FXR1: variants seen among roughly 807,000 people sequenced by gnomAD.
FXR1 encodes the protein FMR1 autosomal homolog 1, also known as RNA-binding protein FXR1.
Under a neutral mutation model 84.0 loss-of-function variants are expected in FXR1, and 15 were observed. The observed-to-expected ratio is 0.18, with a 90% CI of 0.12 to 0.27. The LOEUF (loss-of-function observed/expected upper bound fraction) is 0.27. Ranked by LOEUF, FXR1 falls within the 10% of genes least tolerant of loss-of-function variation. The pLI, the probability that FXR1 is intolerant of heterozygous loss-of-function variation, is 1.00. For synonymous variants in FXR1, 245 were observed against 250.7 expected, an observed-to-expected ratio of 0.98 and a Z score of 0.21; for missense variants, 480 against 774.4, an observed-to-expected ratio of 0.62 and a Z score of 4.51.
In FXR1 at chr3:180,980,285, C is replaced by T. The variant is rs1714548268; in HGVS notation, c.*3993C>T. The T allele has an allele frequency of 6.6e-6, 1 of 152,046 alleles. No homozygotes were observed. The highest frequency in any genetic ancestry group is 2.4e-5 in the African/African-American group (1 of 41,418). The allele number at this position is 152,046 out of a possible 1,614,324, so 9.4% of individuals were successfully genotyped here. ...AATGCAATCTATAAGATATTCCAAA[C>T]AAGGACAAAGTAATTTTTCACAAGT... On this transcript the variant is annotated 3_prime_UTR_variant, in exon 17 of 17. Coordinates refer to ENST00000357559, the MANE Select transcript of FXR1 (RefSeq NM_005087.4).
chr3:180,963,429 C>T (rs1260707176), intron 13 of FXR1, among the ~76,000 whole-genome samples: 1 of 152,028 alleles, frequency 6.6e-6, no homozygotes, highest in Non-Finnish European at 1.5e-5. Flanking sequence ...CCAGTAAATA[C>T]CTAGTAATGG....
chr3:180,957,620 T>C (rs746323069), intron 9 of FXR1, 199 bp from the exon 10 acceptor site: 21 of 468,148 alleles, frequency 4.5e-5, no homozygotes, highest in Non-Finnish European at 7.0e-5. Flanking sequence ...ACCTTAGGCG[T>C]GCTGAAAGAG....
At chr3:180,932,088 A>AAAAAAAAAAC (rs1439899331) in intron 1 of FXR1, among the ~76,000 whole-genome samples, 1 of 150,218 alleles carries the variant, frequency 6.7e-6, no homozygotes, top group South Asian at 2.1e-4. Context: ...AAAAAAAAAA[A>AAAAAAAAAAC]AACAACTTTT....
At chr3:180,937,034 T>C (rs2108448627) in intron 3 of FXR1, among the ~76,000 whole-genome samples, 1 of 152,280 alleles carries the variant, frequency 6.6e-6, no homozygotes, top group East Asian at 1.9e-4. Context: ...GCAGTGATGC[T>C]GCAGATTACT....
At chr3:180,975,232 A>T (rs1714081967) in intron 15 of FXR1, 81 bp from the exon 16 acceptor site, 2 of 556,190 alleles carry the variant, frequency 3.6e-6, no homozygotes, top group African/African-American at 4.0e-5. Flanking sequence ...CACTAGTTTA[A>T]TAGTGAAATT....
intron 9 of FXR1, among the ~76,000 whole-genome samples, chr3:180,957,034 G>A (rs1722809469): frequency 6.6e-6 from 1 of 152,148 alleles, no homozygotes; most frequent in South Asian, 2.1e-4. Flanking sequence ...TTACTTAATA[G>A]TACTTGTTAA....
intron 14 of FXR1, 131 bp from the exon 15 acceptor site, chr3:180,970,022 CATTTT>C: frequency 2.1e-6 from 1 of 474,432 alleles, no homozygotes; most frequent in Non-Finnish European, 3.9e-6. Context: ...ATATTGAAAA[CATTTT>C]ATTTGAAGAC....
chr3:180,918,834 A>G (rs763113660), intron 1 of FXR1, among the ~76,000 whole-genome samples: 4 of 152,154 alleles, frequency 2.6e-5, no homozygotes, highest in Non-Finnish European at 5.9e-5. Flanking sequence ...TAGGTGCCTT[A>G]CTCGAATTTC....
Position 180,948,828 on chromosome 3 carries a change from A to G in FXR1, c.513+14A>G, listed in dbSNP as rs750735091. On this transcript the variant is annotated intron_variant, in intron 6 of 16. Transcript: ENST00000357559. Reference sequence around the variant, plus strand: ...CTAATGATACTGGTAAGATAGTACCATATTATAAGGTAGCTTATTAATGGA... The same window carrying G: ...CTAATGATACTGGTAAGATAGTACCGTATTATAAGGTAGCTTATTAATGGA... 9.8e-6 allele frequency: 11 copies of G among 1,124,916 alleles called. No homozygotes were observed. In the African/African-American group the frequency reaches 1.5e-4, roughly 16 times the overall value. The allele number at this position is 1,124,916 out of a possible 1,614,324, so 69.7% of individuals were successfully genotyped here.
At chr3:180,932,512 T>G (rs1370527987) in intron 1 of FXR1, among the ~76,000 whole-genome samples, 1 of 152,242 alleles carries the variant, frequency 6.6e-6, no homozygotes, top group South Asian at 2.1e-4. Flanking sequence ...CCCAAGTCCT[T>G]TGCTCTTTCT....
At chr3:180,938,194 T>C (rs1021987547) in intron 3 of FXR1, among the ~76,000 whole-genome samples, 4 of 152,222 alleles carry the variant, frequency 2.6e-5, no homozygotes, top group African/African-American at 4.8e-5. Context: ...AATATTCTTA[T>C]GCAAGTCTGG....
At chr3:180,925,869 C>T (rs1719116681) in intron 1 of FXR1, among the ~76,000 whole-genome samples, 1 of 152,156 alleles carries the variant, frequency 6.6e-6, no homozygotes, top group African/African-American at 2.4e-5. Context: ...GTACCTTTTT[C>T]TCATGGGCTA....
At chr3:180,914,482 T>G (rs1288191311) in intron 1 of FXR1, among the ~76,000 whole-genome samples, 1 of 152,226 alleles carries the variant, frequency 6.6e-6, no homozygotes, top group East Asian at 1.9e-4. Flanking sequence ...TTTTGCTTTA[T>G]TTCATGGTTC....
rs556005903 is a variant in FXR1, at chr3:180,932,028, G to GT, written c.52-1300dup. ...AGTGCTGGGTGCCTGGGCTTGCTTT[G>GT]TTTTTTATTACTTAAGTTACCCTTC... On this transcript the variant is annotated intron_variant, in intron 1 of 16. Coordinates refer to ENST00000357559, the MANE Select transcript of FXR1 (RefSeq NM_005087.4). 9.5e-4 allele frequency among the ~76,000 whole-genome samples: 82 copies of GT among 86,752 alleles called. 1 individual carries two copies. In the South Asian group the frequency reaches 0.027, roughly 29 times the overall value. 56.9% of individuals were successfully genotyped at this position (86,752 alleles called of 152,430 possible).
At chr3:180,921,178 C>T (rs112080919) in intron 1 of FXR1, among the ~76,000 whole-genome samples, 210 of 151,872 alleles carry the variant, frequency 1.4e-3, no homozygotes, top group African/African-American at 4.6e-3. Flanking sequence ...GAGACCAGCC[C>T]GGCCAACATG....
In FXR1 at chr3:180,918,173, AT is replaced by A. The variant is rs1718132800; in HGVS notation, c.51+5440del. On this transcript the variant is annotated intron_variant, in intron 1 of 16. Transcript: ENST00000357559. ...GTACCTGTTATTTTCTATGTCAGAT[AT>A]TTGTGTGCCTTCTGTAAGATAATAG... 2.0e-5 allele frequency among the ~76,000 whole-genome samples: 3 copies of A among 152,052 alleles called. No homozygotes were observed. In the South Asian group the frequency reaches 6.2e-4, roughly 32 times the overall value.
At chr3:180,976,056 C>T (rs778050014) in intron 16 of FXR1, 66 bp from the exon 17 acceptor site, 15 of 1,227,208 alleles carry the variant, frequency 1.2e-5, no homozygotes, top group Non-Finnish European at 1.7e-5. Context: ...GTTTATGTAG[C>T]TGTTTTCCTC....
chr3:180,951,049 C>T (rs1254057361), intron 7 of FXR1, among the ~76,000 whole-genome samples: 1 of 150,650 alleles, frequency 6.6e-6, no homozygotes, highest in Non-Finnish European at 1.5e-5. Flanking sequence ...CTCGTCTCTA[C>T]AAAAAATAAA....
At chr3:180,972,126 T>C (rs189591002) in intron 15 of FXR1, among the ~76,000 whole-genome samples, 12 of 152,290 alleles carry the variant, frequency 7.9e-5, no homozygotes, top group Admixed American at 5.9e-4. Flanking sequence ...CCAGAAAATA[T>C]TTGTTTTCCT....
Sources: gnomAD v4.1 joint callset for allele counts (sites outside exome capture counted in the v4.1 genomes callset) on GRCh38, gnomAD v4.1.1 for gene constraint, MANE v1.5 for transcripts, NCBI Gene and HGNC (gene_info 2026-07-23, HGNC 2026-07-21) for gene names.